The following ZNF33A variants were observed in gnomAD, a reference collection of about 807,000 sequenced individuals.
ZNF33A encodes the protein zinc finger protein 33A, also known as brain my041 protein.
Under a neutral mutation model 15.9 loss-of-function variants are expected in ZNF33A, and 9 were observed. The observed-to-expected ratio is 0.57, with a 90% CI of 0.34 to 0.99. The LOEUF is 0.99. ZNF33A is among the 50% of genes least tolerant of loss of function. The pLI is 0.02. For missense variants in ZNF33A, 843 were observed against 941.6 expected (o/e 0.90, Z 1.37); for synonymous variants, 294 against 324.2 (o/e 0.91, Z 1.00).
rs2066411927 is a variant in ZNF33A, at chr10:38,055,242, C to G, written c.1118C>G (p.Thr373Ser). The G allele has an allele frequency of 1.9e-6, 3 of 1,614,132 alleles. No individual in the cohort carries two copies. The East Asian group carries it at 6.7e-5, about 36-fold the overall frequency. Residue 373 changes from threonine (T) to serine (S), a missense_variant, in exon 5 of 5, where the codon ACT becomes AGT. Thr to Ser is a moderately conservative substitution (Grantham distance 58). Coordinates refer to ENST00000432900, the MANE Select transcript of ZNF33A (RefSeq NM_006954.2). The part of the protein sequence containing the change: ...EKAFWDKSNL[T>S]KHQRSHTGEK... ...GCTTTCTGGGATAAGTCAAACCTCA[C>G]TAAACATCAAAGATCACACACAGGG...
chr10:38,053,277 G>A (rs2066295316), intron 4 of ZNF33A, among the ~76,000 whole-genome samples: 1 of 152,084 alleles, frequency 6.6e-6, no homozygotes, highest in Non-Finnish European at 1.5e-5. Flanking sequence ...TTGGTTTCTG[G>A]TTAGGTCTCA....
Position 38,054,700 on chromosome 10 carries a change from A to G in ZNF33A, c.576A>G (p.Glu192=). ...HDETHTQEKN[E]VLKNRNTLSH... is the part of the protein sequence containing the mutation. ...AAACTCATACTCAAGAGAAAAATGA[A>G]GTTTTGAAAAATAGGAACACACTGA... is the stretch of plus-strand genomic sequence containing the variant. Residue 192 remains glutamate (E), a synonymous_variant, in exon 5 of 5, where the codon GAA becomes GAG. Transcript: ENST00000432900. The G allele has an allele frequency of 6.2e-7, 1 of 1,613,830 alleles. No homozygotes were observed. Among genetic ancestry groups the G allele is most frequent in the Admixed American group, 1.7e-5 (1 of 59,984 alleles).
At chr10:38,043,585 A>G (rs1160442202) in intron 4 of ZNF33A, among the ~76,000 whole-genome samples, 2 of 152,094 alleles carry the variant, frequency 1.3e-5, no homozygotes, top group Non-Finnish European at 1.5e-5. Flanking sequence ...TGGGAACACA[A>G]TATTTTCCCC....
rs1479448843 is a variant in ZNF33A at position 38,058,490 on chromosome 10, G to C, written c.*1930G>C. 1 of 152,234 alleles carries C rather than the reference G, an allele frequency of 6.6e-6. No individual in the cohort carries two copies. Among genetic ancestry groups the C allele is most frequent in the Admixed American group, 6.5e-5 (1 of 15,276 alleles). The allele number at this position is 152,234 out of a possible 1,614,324, so 9.4% of individuals were successfully genotyped here. ...AGTAATTAATAACCTTCCAAGGCCA[G>C]GTACAGTGGTTCATGCCTGTAATCC... is the stretch of plus-strand genomic sequence containing the variant. On this transcript the variant is annotated 3_prime_UTR_variant, in exon 5 of 5. Transcript: ENST00000432900.
In ZNF33A at chr10:38,056,234, C is replaced by T; in HGVS notation, c.2110C>T (p.His704Tyr). ...ECNECGKFFR[H>Y]KSSLTVHHRA... Reference sequence around the variant, plus strand: ...CAATGAATGTGGGAAATTCTTCAGGCACAAATCATCACTCACAGTACATCA... The same window carrying T: ...CAATGAATGTGGGAAATTCTTCAGGTACAAATCATCACTCACAGTACATCA... The change falls in exon 5 of 5, where the codon CAC (histidine) becomes TAC (tyrosine). Residue 704 changes from histidine (H) to tyrosine (Y), a missense_variant. Coordinates refer to ENST00000432900, the MANE Select transcript of ZNF33A (RefSeq NM_006954.2). 6.2e-7 allele frequency: 1 copy of T among 1,614,058 alleles called. No homozygotes were observed.
Position 38,054,645 on chromosome 10 carries a change from G to A in ZNF33A, c.521G>A (p.Gly174Glu). ...AAGTCTGATGAATTTAATGCCTGTG[G>A]GAAATTGTTACTCAATATTAAGCAT... ...GKKSDEFNAC[G>E]KLLLNIKHDE... Residue 174 changes from glycine to glutamate, a missense_variant, in exon 5 of 5, where the codon GGG becomes GAG. Coordinates refer to ENST00000432900, the MANE Select transcript of ZNF33A (RefSeq NM_006954.2). 6.2e-7 allele frequency: 1 copy of A among 1,612,600 alleles called. No homozygotes were observed. The highest frequency in any genetic ancestry group is 8.5e-7 in the Non-Finnish European group (1 of 1,179,678).
downstream of ZNF33A, among the ~76,000 whole-genome samples, chr10:38,062,289 G>T (rs781009369): frequency 5.3e-5 from 8 of 152,094 alleles, no homozygotes; most frequent in Non-Finnish European, 1.2e-4. Flanking sequence ...AATTTCTATT[G>T]TTTATAAATG....
rs2066500170 is a variant in ZNF33A at position 38,056,649 on chromosome 10, G to A, written c.*89G>A. The A allele has an allele frequency of 1.0e-5, 15 of 1,467,838 alleles. No homozygotes were observed. In the South Asian group the frequency reaches 2.3e-4, roughly 23 times the overall value. The allele number at this position is 1,467,838 out of a possible 1,614,324, so 90.9% of individuals were successfully genotyped here. ...ACAATTATAGGACAGCTTTTGTTAG[G>A]AAGTGATATTCTATGTAATATCAGA... On this transcript the variant is annotated 3_prime_UTR_variant, in exon 5 of 5. Coordinates refer to ENST00000432900, the MANE Select transcript of ZNF33A (RefSeq NM_006954.2).
intron 1 of ZNF33A, among the ~76,000 whole-genome samples, chr10:38,011,646 T>A (rs1158584709): frequency 6.6e-6 from 1 of 152,192 alleles, no homozygotes; most frequent in Non-Finnish European, 1.5e-5. Context: ...TTTTTTGTTT[T>A]TTTGTTTGTT....
At chr10:38,016,472 T>G (rs1019242752) in intron 2 of ZNF33A, among the ~76,000 whole-genome samples, 18 of 152,094 alleles carry the variant, frequency 1.2e-4, no homozygotes, top group African/African-American at 4.1e-4. Context: ...CGTAATAGAG[T>G]GTTTTTCATA....
intron 4 of ZNF33A, among the ~76,000 whole-genome samples, chr10:38,034,570 A>G (rs1299218481): frequency 1.3e-5 from 2 of 152,312 alleles, no homozygotes; most frequent in Non-Finnish European, 2.9e-5. Context: ...TTGGCCTGAA[A>G]TGTCTTGGCA....
chr10:38,035,618 C>T (rs1463546952), intron 4 of ZNF33A, among the ~76,000 whole-genome samples: 3 of 152,122 alleles, frequency 2.0e-5, no homozygotes, highest in Non-Finnish European at 4.4e-5. Context: ...TGAAAGGGGT[C>T]CTTCATTGAT....
chr10:38,012,589 G>T (rs147128208), intron 2 of ZNF33A, among the ~76,000 whole-genome samples: 3,624 of 151,644 alleles, frequency 0.024, 69 homozygotes, highest in Non-Finnish European at 0.038. Context: ...ATGCTGCCAC[G>T]CCTGGCTAAT....
downstream of ZNF33A, chr10:38,064,445 A>C (rs978428186): frequency 2.8e-5 from 9 of 322,608 alleles, no homozygotes; most frequent in Non-Finnish European, 4.5e-5. Context: ...GCTCAGCCTC[A>C]GGTGTCTTCT....
At chr10:38,023,408 A>C (rs950574563) in intron 4 of ZNF33A, among the ~76,000 whole-genome samples, 67 of 152,344 alleles carry the variant, frequency 4.4e-4, no homozygotes, top group African/African-American at 1.6e-3. Flanking sequence ...AAAAGTATAC[A>C]CCATAATAAC....
chr10:38,054,662 A>AT lies in ZNF33A; in HGVS notation c.540dup (p.Lys181Ter). 6.2e-7 allele frequency: 1 copy of AT among 1,613,812 alleles called. No homozygotes were observed. Among genetic ancestry groups the AT allele is most frequent in the Non-Finnish European group, 8.5e-7 (1 of 1,179,910 alleles). On this transcript the variant is annotated frameshift_variant, in exon 5 of 5. Transcript: ENST00000432900. LOFTEE classifies it low-confidence loss of function (END_TRUNC). The stretch of plus-strand genomic sequence containing the variant: ...TGCCTGTGGGAAATTGTTACTCAAT[A>AT]TTAAGCATGATGAAACTCATACTCA...
chr10:38,012,427 T>TG, intron 2 of ZNF33A, 77 bp downstream of exon 2: 3 of 592,542 alleles, frequency 5.1e-6, no homozygotes, highest in South Asian at 8.1e-5. Context: ...TGGTGTTTGT[T>TG]TTTTTTTTTT....
chr10:38,052,914 C>G (rs892669729), intron 4 of ZNF33A, among the ~76,000 whole-genome samples: 8 of 151,750 alleles, frequency 5.3e-5, no homozygotes, highest in African/African-American at 1.9e-4. Flanking sequence ...TTAGATTATA[C>G]TTTTTAATAT....
At position 38,055,210 on chromosome 10, in the gene ZNF33A, T is replaced by G; in HGVS notation, c.1086T>G (p.Cys362Trp). The G allele has an allele frequency of 6.2e-7, 1 of 1,614,142 alleles. No individual in the cohort carries two copies. The highest frequency in any genetic ancestry group is 8.5e-7 in the Non-Finnish European group (1 of 1,179,992). The change falls in exon 5 of 5, where the codon TGT (cysteine) becomes TGG (tryptophan). Residue 362 changes from cysteine (C) to tryptophan (W), a missense_variant. Transcript: ENST00000432900. ...TGQKPFQCNE[C>W]EKAFWDKSNL... ...AGAAACCCTTTCAATGTAATGAATG[T>G]GAAAAAGCTTTCTGGGATAAGTCAA... is the stretch of plus-strand genomic sequence containing the variant.
Sources: allele counts gnomAD v4.1 joint callset (sites outside exome capture counted in the v4.1 genomes callset), GRCh38; gene constraint gnomAD v4.1.1; transcripts MANE v1.5; gene names NCBI Gene and HGNC (gene_info 2026-07-23, HGNC 2026-07-21).